ATAD2: variants seen among roughly 807,000 people sequenced by gnomAD.
ATAD2 encodes the protein ATPase family AAA domain-containing protein 2.
ATAD2 carries 62 observed loss-of-function variants against 168.9 expected under a neutral mutation model. The observed-to-expected ratio is 0.37, with a 90% confidence interval of 0.30 to 0.45. The LOEUF is 0.45. Ranked by LOEUF, ATAD2 falls within the 20% of genes least tolerant of loss-of-function variation. The probability of loss-of-function intolerance (pLI) is 1.00; values close to 1 mark genes in which losing one functional copy is unlikely to be tolerated. For synonymous variants in ATAD2, 613 were observed against 571.6 expected, an observed-to-expected ratio of 1.07 and a Z score of -1.03; for missense variants, 1,419 against 1,667.8, an observed-to-expected ratio of 0.85 and a Z score of 2.60.
At chr8:123,405,726 A>G (rs993582435) in intron 1 of ATAD2, among the ~76,000 whole-genome samples, 2 of 152,234 alleles carry the variant, frequency 1.3e-5, no homozygotes, top group African/African-American at 4.8e-5. Context: ...GAGTACATAA[A>G]GAACTTCCTC....
At chr8:123,387,954 C>T (rs189903258) in intron 1 of ATAD2, among the ~76,000 whole-genome samples, 53 of 152,072 alleles carry the variant, frequency 3.5e-4, no homozygotes, top group African/African-American at 1.3e-3. Flanking sequence ...TTTAGGGCTC[C>T]CTGAAAACTT....
At chr8:123,322,789 G>T in intron 27 of ATAD2, 149 bp downstream of exon 27, 1 of 682,082 alleles carries the variant, frequency 1.5e-6, no homozygotes, top group Non-Finnish European at 2.3e-6. Context: ...TATGGAATGG[G>T]ACATCAACTT....
intron 8 of ATAD2, among the ~76,000 whole-genome samples, chr8:123,364,207 C>A (rs1362573274): frequency 6.6e-6 from 1 of 151,988 alleles, no homozygotes; most frequent in Non-Finnish European, 1.5e-5. Context: ...ACTATCCTCA[C>A]TTTACAGATA....
chr8:123,347,299 G>A lies in ATAD2; in HGVS notation c.2005C>T (p.Leu669Phe), dbSNP rs751020848. Residue 669 changes from leucine to phenylalanine, a missense_variant, in exon 16 of 28, where the codon CTC becomes TTC. Coordinates refer to ENST00000287394, the MANE Select transcript of ATAD2 (RefSeq NM_014109.4). The stretch of plus-strand genomic sequence containing the variant: ...TTAGCTGAGATATTAATTGAAGAGA[G>A]ATCCAACTGCAGTTTCTCACTAGTG... ...YTTSEKLQLD[L>F]SSINISAKDF... The A allele has an allele frequency of 2.3e-5, 37 of 1,613,912 alleles. 1 individual carries two copies. The highest frequency in any genetic ancestry group is 1.7e-6 in the Non-Finnish European group (2 of 1,180,002).
In ATAD2 at chr8:123,380,741, CAA is replaced by C. The variant is rs531429131; in HGVS notation, c.172-66_172-65del. On this transcript the variant is annotated intron_variant, in intron 1 of 27. Transcript: ENST00000287394. ...TACAAAACTCCAATTTAAATTCCTC[CAA>C]AGAGTATTCTCTGATTACAAGTTAG... 1.0e-3 allele frequency: 1,586 copies of C among 1,528,166 alleles called. 7 individuals carry two copies. The highest frequency in any genetic ancestry group is 1.3e-3 in the Non-Finnish European group (1,439 of 1,123,096). The allele number at this position is 1,528,166 out of a possible 1,614,324, so 94.7% of individuals were successfully genotyped here. A position where few individuals can be genotyped will look rare whatever the true frequency, so the allele number is the denominator to read the frequency against.
chr8:123,359,168 G>C, intron 11 of ATAD2, 53 bp downstream of exon 11: 2 of 1,347,232 alleles, frequency 1.5e-6, no homozygotes, highest in South Asian at 2.7e-5. Context: ...AGAACTACAA[G>C]AAGCAAGAAT....
intron 1 of ATAD2, among the ~76,000 whole-genome samples, chr8:123,391,808 G>A (rs1829833227): frequency 1.3e-5 from 2 of 152,170 alleles, no homozygotes; most frequent in African/African-American, 4.8e-5. Flanking sequence ...GGGCTTGTCA[G>A]TATGAATACA....
chr8:123,331,436 C>G (rs10104328), intron 24 of ATAD2, among the ~76,000 whole-genome samples: 90 of 152,032 alleles, frequency 5.9e-4, no homozygotes, highest in African/African-American at 2.1e-3. Context: ...GACGGGGTTT[C>G]ACTGTGTTGA....
chr8:123,369,599 A>G (rs552763011), intron 7 of ATAD2, among the ~76,000 whole-genome samples: 2 of 152,338 alleles, frequency 1.3e-5, no homozygotes, highest in South Asian at 2.1e-4. Context: ...CAGATATAAA[A>G]TTCAAAAATA....
upstream of ATAD2, among the ~76,000 whole-genome samples, chr8:123,399,275 C>A (rs988094388): frequency 9.3e-5 from 14 of 150,412 alleles, no homozygotes; most frequent in Non-Finnish European, 1.2e-4. Context: ...AAAAAAAAAA[C>A]CACACGACTA....
At chr8:123,334,441 G>C (rs1343651494) in intron 22 of ATAD2, 119 bp from the exon 23 acceptor site, 1 of 976,172 alleles carries the variant, frequency 1.0e-6, no homozygotes, top group Non-Finnish European at 1.4e-6. Flanking sequence ...CTTTTACCAA[G>C]AATAGTCAAA....
chr8:123,354,443 T>C (rs1412789585), intron 13 of ATAD2, among the ~76,000 whole-genome samples: 4 of 152,128 alleles, frequency 2.6e-5, no homozygotes, highest in Non-Finnish European at 4.4e-5. Flanking sequence ...CGGTGGCTCA[T>C]GCCTGTAATC....
chr8:123,375,731 G>A (rs1290064335), intron 2 of ATAD2, among the ~76,000 whole-genome samples: 1 of 152,202 alleles, frequency 6.6e-6, no homozygotes, highest in South Asian at 2.1e-4. Context: ...AGCATTTTGG[G>A]AGGTCAAGAC....
chr8:123,345,732 A>C (rs1391609578), intron 18 of ATAD2, among the ~76,000 whole-genome samples: 1 of 152,108 alleles, frequency 6.6e-6, no homozygotes, highest in Non-Finnish European at 1.5e-5. Context: ...ACAAATACCA[A>C]AAACAGAAAC....
At chr8:123,344,662 C>T in intron 19 of ATAD2, 1 of 498,924 alleles carries the variant, frequency 2.0e-6, no homozygotes, top group Middle Eastern at 6.0e-4. Context: ...TACCATTTTT[C>T]AAGAGAAAAA....
chr8:123,396,748 G>GC (rs1812864704), upstream of ATAD2, among the ~76,000 whole-genome samples: 1 of 152,174 alleles, frequency 6.6e-6, no homozygotes, highest in Non-Finnish European at 1.5e-5. Context: ...CGGGACGGCG[G>GC]CGGGGGAAGG....
rs371404995 is a variant in ATAD2 at position 123,323,103 on chromosome 8, G to A, written c.4003-37C>T. The A allele has an allele frequency of 3.2e-6, 5 of 1,578,822 alleles. No homozygotes were observed. In the African/African-American group the frequency reaches 4.1e-5, roughly 13 times the overall value. Reference sequence around the variant, plus strand: ...TATGAGTGTCAATATGTGTGAGAGAGAAACTTCCTCAGACAAGATACTTAA... The same window carrying A: ...TATGAGTGTCAATATGTGTGAGAGAAAAACTTCCTCAGACAAGATACTTAA... On this transcript the variant is annotated intron_variant, in intron 26 of 27. Coordinates refer to ENST00000287394, the MANE Select transcript of ATAD2 (RefSeq NM_014109.4).
Position 123,346,147 on chromosome 8 carries a change from GTA to G in ATAD2, c.2469_2470del (p.Thr824IlefsTer10). 6.2e-7 allele frequency: 1 copy of G among 1,612,256 alleles called. No homozygotes were observed. Among genetic ancestry groups the G allele is most frequent in the Non-Finnish European group, 8.5e-7 (1 of 1,179,318 alleles). On this transcript the variant is annotated frameshift_variant, in exon 18 of 28. Coordinates refer to ENST00000287394, the MANE Select transcript of ATAD2 (RefSeq NM_014109.4). LOFTEE classifies it high-confidence loss of function. ...TCCAAAAAGAACAGGAATGTCTAAT[GTA>G]TATACAGTAAACTTTTCCAAAGCAT...
Position 123,339,297 on chromosome 8 carries a change from A to G in ATAD2, c.2854+14T>C. On this transcript the variant is annotated intron_variant, in intron 20 of 27. Coordinates refer to ENST00000287394, the MANE Select transcript of ATAD2 (RefSeq NM_014109.4). ...TCAAAATTATTAAATATTAACTTTG[A>G]TATAGAAACTAACCTGCTTTCTTTT... The G allele has an allele frequency of 1.3e-6, 2 of 1,512,978 alleles. No individual in the cohort carries two copies. The highest frequency in any genetic ancestry group is 1.8e-6 in the Non-Finnish European group (2 of 1,117,484). 93.7% of individuals were successfully genotyped at this position (1,512,978 alleles called of 1,614,324 possible). A position where few individuals can be genotyped will look rare whatever the true frequency, so the allele number is the denominator to read the frequency against.
Sources: allele counts gnomAD v4.1 joint callset (sites outside exome capture counted in the v4.1 genomes callset), GRCh38; gene constraint gnomAD v4.1.1; transcripts MANE v1.5; gene names NCBI Gene and HGNC (gene_info 2026-07-23, HGNC 2026-07-21).